The following F8 variants were observed in gnomAD, a reference collection of about 807,000 sequenced individuals.
F8 encodes coagulation factor VIII.
F8 carries 12 observed loss-of-function variants against 140.6 expected under a neutral mutation model. That is an observed-to-expected ratio of 0.09 (90% confidence interval 0.05 to 0.14). The LOEUF is 0.14. Ranked by LOEUF, F8 falls within the 10% of genes least tolerant of loss-of-function variation. F8 has a pLI of 1.00. For missense variants in F8, 1,354 were observed against 1,720.7 expected, an observed-to-expected ratio of 0.79 and a Z score of 3.77; for synonymous variants, 585 against 614.6, an observed-to-expected ratio of 0.95 and a Z score of 0.71.
chrX:154,860,686 A>G (rs2072684266), intron 24 of F8, 78 bp from the exon 25 acceptor site: 3 of 937,980 alleles, frequency 3.2e-6, no homozygotes, highest in East Asian at 3.1e-5. Context: ...TCTTAACCAT[A>G]CCACAGCACT....
At chrX:154,999,332 A>T in intron 2 of F8, 147 bp downstream of exon 2, 2 of 593,453 alleles carry the variant, frequency 3.4e-6, no homozygotes, top group East Asian at 8.8e-5. Context: ...CAGAAAATGC[A>T]GTCAGTGTAT....
At chrX:154,910,773 G>T (rs1161647848) in intron 14 of F8, among the ~76,000 whole-genome samples, 2 of 110,423 alleles carry the variant, frequency 1.8e-5, no homozygotes, top group Admixed American at 9.5e-5. Flanking sequence ...TGCTGAGGAG[G>T]ATTAGTGAAA....
At chrX:154,897,666 G>A (rs1447408089) in intron 21 of F8, 8 of 111,997 alleles carry the variant, frequency 7.1e-5, no homozygotes, top group African/African-American at 2.3e-4. Flanking sequence ...AAAAGTGAAA[G>A]CACCAGGCAC....
At chrX:154,901,193 G>A (rs2073007816) in intron 20 of F8, among the ~76,000 whole-genome samples, 178 bp downstream of exon 20, 1 of 111,936 alleles carries the variant, frequency 8.9e-6, no homozygotes, top group South Asian at 3.7e-4. Context: ...AAATGATGGT[G>A]ACCTGAGTTA....
chrX:154,978,967 A>G (rs1196022757), intron 6 of F8, among the ~76,000 whole-genome samples: 9 of 110,938 alleles, frequency 8.1e-5, no homozygotes, highest in South Asian at 3.9e-4. Flanking sequence ...TCAGGCCCCA[A>G]TGGTGGCAGC....
intron 11 of F8, among the ~76,000 whole-genome samples, chrX:154,956,414 C>A (rs2073365351): frequency 8.9e-6 from 1 of 112,122 alleles, no homozygotes; most frequent in Non-Finnish European, 1.9e-5. Flanking sequence ...TCCATGAAAT[C>A]TTCACAATTT....
intron 25 of F8, among the ~76,000 whole-genome samples, chrX:154,857,849 A>C (rs1191543129): frequency 8.9e-6 from 1 of 112,547 alleles, no homozygotes; most frequent in Non-Finnish European, 1.9e-5. Flanking sequence ...AATCAAGTAA[A>C]TATGATGGGC....
chrX:155,010,739 T>C lies in F8; in HGVS notation c.144-11139A>G, dbSNP rs191685601. On this transcript the variant is annotated intron_variant, in intron 1 of 25. Coordinates refer to ENST00000360256, the MANE Select transcript of F8 (RefSeq NM_000132.4). ...GTAAAATTATCTCAATATTAATTGT[T>C]AACAGGGCTAACTTTAATGGATAAA... is the stretch of plus-strand genomic sequence containing the variant. Among the ~76,000 whole-genome samples the C allele has an allele frequency of 9.0e-5, 10 of 110,836 alleles. No homozygotes were observed. In the Admixed American group the frequency reaches 9.7e-4, roughly 11 times the overall value.
chrX:154,972,333 T>C (rs782453207), intron 6 of F8, among the ~76,000 whole-genome samples: 32 of 112,033 alleles, frequency 2.9e-4, no homozygotes, highest in African/African-American at 1.0e-3. Flanking sequence ...TGGAGAAATG[T>C]CTATTCAGGT....
At position 154,992,803 on chromosome X, in the gene F8, T is replaced by C. The variant is rs1414505365; in HGVS notation, c.601+133A>G. ...TCTCAGAAACTGGATTATTCTCCTTTCCATGAGCATGATGCTAGAGTAAAA... is the reference window on the plus strand; with the variant it reads ...TCTCAGAAACTGGATTATTCTCCTTCCCATGAGCATGATGCTAGAGTAAAA... On this transcript the variant is annotated intron_variant, in intron 4 of 25. Transcript: ENST00000360256. 16 of 573,173 alleles carry C rather than the reference T, an allele frequency of 2.8e-5. No homozygotes were observed. In the African/African-American group the frequency reaches 3.6e-4, roughly 13 times the overall value. 47.2% of individuals were successfully genotyped at this position (573,173 alleles called of 1,213,427 possible). A position where few individuals can be genotyped will look rare whatever the true frequency, so the allele number is the denominator to read the frequency against.
intron 13 of F8, among the ~76,000 whole-genome samples, chrX:154,939,730 C>T (rs1216307988): frequency 8.9e-6 from 1 of 112,459 alleles, no homozygotes; most frequent in Non-Finnish European, 1.9e-5. Flanking sequence ...AAGTGGGTCC[C>T]TGAATCCTGA....
intron 4 of F8, among the ~76,000 whole-genome samples, chrX:154,992,575 G>A (rs782701458): frequency 1.8e-5 from 2 of 112,064 alleles, no homozygotes; most frequent in South Asian, 3.7e-4. Context: ...ACACTTGGAT[G>A]TGTTTACCTC....
At chrX:154,981,046 A>C (rs1453494682) in intron 6 of F8, among the ~76,000 whole-genome samples, 1 of 112,202 alleles carries the variant, frequency 8.9e-6, no homozygotes, top group Non-Finnish European at 1.9e-5. Context: ...CGCAAGTCTC[A>C]TGCTGGCTCT....
At chrX:154,916,878 T>C (rs2073100560) in intron 14 of F8, among the ~76,000 whole-genome samples, 1 of 111,204 alleles carries the variant, frequency 9.0e-6, no homozygotes, top group Non-Finnish European at 1.9e-5. Flanking sequence ...AGTTACATCA[T>C]TACCAGGTTT....
chrX:154,869,725 A>G (rs2072757751), intron 22 of F8, among the ~76,000 whole-genome samples: 1 of 111,918 alleles, frequency 8.9e-6, no homozygotes, highest in South Asian at 3.7e-4. Flanking sequence ...AGAGACACAA[A>G]AAAACCTTCA....
intron 25 of F8, among the ~76,000 whole-genome samples, chrX:154,856,429 A>G (rs915951351): frequency 1.8e-5 from 2 of 112,679 alleles, no homozygotes; most frequent in Admixed American, 9.4e-5. Context: ...TGTGGTTACC[A>G]TAAGGGACAG....
At chrX:155,022,378 C>A (rs782001458) in intron 1 of F8, 32 bp downstream of exon 1, 2 of 1,198,200 alleles carry the variant, frequency 1.7e-6, no homozygotes, top group African/African-American at 3.5e-5. Context: ...ACAATCCTGG[C>A]CCCGATCAGA....
Position 154,969,407 on chromosome X carries a change from A to T in F8, c.933T>A (p.Thr311=), listed in dbSNP as rs782642267. The T allele has an allele frequency of 2.5e-6, 3 of 1,211,790 alleles. No homozygotes were observed. The highest frequency in any genetic ancestry group is 3.4e-6 in the Non-Finnish European group (3 of 895,409). The change falls in exon 7 of 26, where the codon ACT becomes ACA. Residue 311 remains threonine, a synonymous_variant. Transcript: ENST00000360256. ...TCAAGAGTGTTTGAGCAGTAAGGAA[A>T]GTTATTGGCGAGATTTCCAAGGACG... The part of the protein sequence containing the change: ...RQASLEISPI[T]FLTAQTLLMD...
intron 13 of F8, among the ~76,000 whole-genome samples, chrX:154,940,080 A>G (rs1253910430): frequency 2.7e-5 from 3 of 111,876 alleles, no homozygotes; most frequent in African/African-American, 9.8e-5. Context: ...CAGAGCAGAA[A>G]AACCAAAAAC....
Sources: gnomAD v4.1 joint callset for allele counts (sites outside exome capture counted in the v4.1 genomes callset) on GRCh38, gnomAD v4.1.1 for gene constraint, MANE v1.5 for transcripts, NCBI Gene and HGNC (gene_info 2026-07-23, HGNC 2026-07-21) for gene names.